The following DAZAP1 variants were observed in gnomAD, a reference collection of about 807,000 sequenced individuals.
DAZAP1 encodes DAZ-associated protein 1.
In DAZAP1, 6 loss-of-function variants were observed where a neutral mutation model predicts 60.1. The ratio of observed to expected loss-of-function variants is 0.10; its 90% CI spans 0.05 to 0.20. DAZAP1 has a LOEUF of 0.20. Ranked by LOEUF, DAZAP1 falls within the 10% of genes least tolerant of loss-of-function variation. DAZAP1 has a pLI of 1.00. For missense variants in DAZAP1, 366 were observed against 560.4 expected, an observed-to-expected ratio of 0.65 and a Z score of 3.50; for synonymous variants, 235 against 215.9, an observed-to-expected ratio of 1.09 and a Z score of -0.78.
chr19:1,430,254 G>GGGCCCCCCCCCC lies in DAZAP1; in HGVS notation c.763_764insGGCCCCCCCCCC (p.Ala255delinsGlyProProProPro). On this transcript the variant is annotated protein_altering_variant, in exon 10 of 12. Coordinates refer to ENST00000233078, the MANE Select transcript of DAZAP1 (RefSeq NM_018959.4). Reference sequence around the variant, plus strand: ...TGGACCGCCCCCTGCAGGAAGAGGAGCCCCCCCGCCACCCCCACCGTTCAC... The same window carrying GGGCCCCCCCCCC: ...TGGACCGCCCCCTGCAGGAAGAGGAGGGCCCCCCCCCCCCCCCCCGCCACCCCCACCGTTCAC... The GGGCCCCCCCCCC allele has an allele frequency of 2.3e-6, 3 of 1,295,254 alleles. No individual in the cohort carries two copies. Among genetic ancestry groups the GGGCCCCCCCCCC allele is most frequent in the South Asian group, 1.3e-5 (1 of 74,428 alleles). The allele number at this position is 1,295,254 out of a possible 1,614,324, so 80.2% of individuals were successfully genotyped here.
intron 8 of DAZAP1, among the ~76,000 whole-genome samples, chr19:1,429,516 T>C (rs2083389224): frequency 6.6e-6 from 1 of 152,170 alleles, no homozygotes; most frequent in South Asian, 2.1e-4. Context: ...CCGACCCGAG[T>C]TGTGGGTCAG....
chr19:1,432,435 G>A lies in DAZAP1; in HGVS notation c.872-79G>A. The A allele has an allele frequency of 1.3e-6, 2 of 1,491,724 alleles. No individual in the cohort carries two copies. The highest frequency in any genetic ancestry group is 1.7e-5 in the Admixed American group (1 of 59,614). 92.4% of individuals were successfully genotyped at this position (1,491,724 alleles called of 1,614,324 possible). A position where few individuals can be genotyped will look rare whatever the true frequency, so the allele number is the denominator to read the frequency against. On this transcript the variant is annotated intron_variant, in intron 10 of 11. Transcript: ENST00000233078. This position sits in a 1 kb window ranked among gnomAD's most constrained non-coding sequence, Gnocchi z 4.9. ...CAGTCCCGTCTGGGCAGCTCCTGCT[G>A]GGCTGGGTGTGGGTCTCCTGCTGGT... is the stretch of plus-strand genomic sequence containing the variant.
Position 1,432,717 on chromosome 19 carries a change from C to T in DAZAP1, c.1048+27C>T. On this transcript the variant is annotated intron_variant, in intron 11 of 11. Transcript: ENST00000233078. The surrounding 1 kb of genome is among the most constrained non-coding windows in gnomAD (Gnocchi z 4.9). The stretch of plus-strand genomic sequence containing the variant: ...TAAGTGGTCTCCTGCCATGCCGCGT[C>T]CCCGCTGGCCCCAGGACCCTGGGCA... 6.4e-7 allele frequency: 1 copy of T among 1,562,652 alleles called. No individual in the cohort carries two copies. Among genetic ancestry groups the T allele is most frequent in the Non-Finnish European group, 8.7e-7 (1 of 1,151,094 alleles).
intron 10 of DAZAP1, 76 bp downstream of exon 10, chr19:1,430,438 G>A (rs1600243384): frequency 1.5e-6 from 2 of 1,360,828 alleles, no homozygotes; most frequent in African/African-American, 3.0e-5. Flanking sequence ...GTGATGGGGA[G>A]TCTTGTGTTA....
Position 1,429,575 on chromosome 19 carries a change from C to T in DAZAP1, c.701-392C>T, listed in dbSNP as rs2083391360. 2.6e-5 allele frequency among the ~76,000 whole-genome samples: 4 copies of T among 152,210 alleles called. No individual in the cohort carries two copies. In the South Asian group the frequency reaches 6.2e-4, roughly 24 times the overall value. ...GTCCCGAGACTGTGGCTTCCCTGCA[C>T]CTCGTCTAAAACCTTTTTCTCTGGA... On this transcript the variant is annotated intron_variant, in intron 8 of 11. Coordinates refer to ENST00000233078, the MANE Select transcript of DAZAP1 (RefSeq NM_018959.4).
chr19:1,424,510 C>T (rs1256638349), intron 6 of DAZAP1, among the ~76,000 whole-genome samples: 1 of 151,818 alleles, frequency 6.6e-6, no homozygotes, highest in Non-Finnish European at 1.5e-5. Flanking sequence ...TTCCATCTTT[C>T]CCCGCCCCCA....
chr19:1,410,740 G>A (rs938742036), intron 1 of DAZAP1, among the ~76,000 whole-genome samples: 85 of 152,350 alleles, frequency 5.6e-4, no homozygotes, highest in African/African-American at 1.8e-3. Context: ...GAGCGCCCAG[G>A]CCATTGTGTT....
intron 1 of DAZAP1, 39 bp downstream of exon 1, chr19:1,407,841 G>C (rs1197837427): frequency 9.4e-7 from 1 of 1,059,542 alleles, no homozygotes; most frequent in African/African-American, 1.7e-5. Context: ...TCCGCCCCGA[G>C]CCCGGCCCGC....
intron 1 of DAZAP1, among the ~76,000 whole-genome samples, chr19:1,411,910 G>T (rs971884073): frequency 6.6e-6 from 1 of 152,242 alleles, no homozygotes; most frequent in African/African-American, 2.4e-5. Context: ...TCCCATCCAG[G>T]CCTGGTCCCC....
chr19:1,428,794 G>T lies in DAZAP1; in HGVS notation c.547-48G>T, dbSNP rs2083367168. ...CGAGGGTGTGTCTAAAGGGAAGGGG[G>T]TGCTGGGACCCGCAGCCTCGCCCTA... On this transcript the variant is annotated intron_variant, in intron 7 of 11. Coordinates refer to ENST00000233078, the MANE Select transcript of DAZAP1 (RefSeq NM_018959.4). The surrounding 1 kb of genome is among the most constrained non-coding windows in gnomAD (Gnocchi z 4.0). 1 of 1,609,812 alleles carries T rather than the reference G, an allele frequency of 6.2e-7. No homozygotes were observed. The highest frequency in any genetic ancestry group is 1.3e-5 in the African/African-American group (1 of 74,822).
chr19:1,412,934 C>T lies in DAZAP1; in HGVS notation c.30-4566C>T, dbSNP rs548608700. ...AGTGGAGCTCGTCCCACGCCTCCCC[C>T]ACTAATGAGAACACCCCTTTTGGGT... On this transcript the variant is annotated intron_variant, in intron 1 of 11. Coordinates refer to ENST00000233078, the MANE Select transcript of DAZAP1 (RefSeq NM_018959.4). Among the ~76,000 whole-genome samples the T allele has an allele frequency of 2.6e-4, 39 of 152,318 alleles. No individual in the cohort carries two copies. The South Asian group carries it at 4.6e-3, about 18-fold the overall frequency.
chr19:1,432,983 G>A lies in DAZAP1; in HGVS notation c.1048+293G>A, dbSNP rs1012467217. 4 of 411,906 alleles carry A rather than the reference G, an allele frequency of 9.7e-6. No individual in the cohort carries two copies. Among genetic ancestry groups the A allele is most frequent in the Admixed American group, 4.1e-5 (1 of 24,152 alleles). The allele number at this position is 411,906 out of a possible 1,614,324, so 25.5% of individuals were successfully genotyped here. A position where few individuals can be genotyped will look rare whatever the true frequency, so the allele number is the denominator to read the frequency against. The stretch of plus-strand genomic sequence containing the variant: ...ACTGGGTCGAGGGAAGTGAGTCGCA[G>A]GCAGCTGTGATCACTGTCTAGAGGT... On this transcript the variant is annotated intron_variant, in intron 11 of 11. Transcript: ENST00000233078. The surrounding 1 kb of genome is among the most constrained non-coding windows in gnomAD (Gnocchi z 4.9).
Position 1,434,789 on chromosome 19 carries a change from C to T in DAZAP1, c.1101C>T (p.Ser367=), listed in dbSNP as rs2083554205. The T allele has an allele frequency of 3.1e-6, 5 of 1,612,938 alleles. No homozygotes were observed. Among genetic ancestry groups the T allele is most frequent in the Non-Finnish European group, 4.2e-6 (5 of 1,179,514 alleles). The part of the protein sequence containing the change: ...SGFGQGFSDP[S]QQPPSYGGPS... Reference sequence around the variant, plus strand: ...TCGGACAGGGCTTCTCAGACCCCAGCCAGCAGCCTCCTTCCTACGGGGGTC... The same window carrying T: ...TCGGACAGGGCTTCTCAGACCCCAGTCAGCAGCCTCCTTCCTACGGGGGTC... Residue 367 remains serine (S), a synonymous_variant, in exon 12 of 12, where the codon AGC becomes AGT. Coordinates refer to ENST00000233078, the MANE Select transcript of DAZAP1 (RefSeq NM_018959.4). The surrounding 1 kb of genome is among the most constrained non-coding windows in gnomAD (Gnocchi z 8.0).
intron 10 of DAZAP1, among the ~76,000 whole-genome samples, chr19:1,431,399 G>T (rs898461295): frequency 3.6e-4 from 55 of 152,042 alleles, no homozygotes; most frequent in African/African-American, 1.2e-3. Context: ...AAAGCGCTGG[G>T]ATTAGAAGCG....
intron 1 of DAZAP1, among the ~76,000 whole-genome samples, chr19:1,408,215 C>T (rs961754975): frequency 6.6e-6 from 1 of 152,142 alleles, no homozygotes; most frequent in Non-Finnish European, 1.5e-5. Flanking sequence ...GCCCCCGCCG[C>T]CGCTTCCTGG....
At position 1,422,677 on chromosome 19, in the gene DAZAP1, G is replaced by A. The variant is rs747368407; in HGVS notation, c.463+281G>A. ...GCCTGGCTTCTGTTTTTCACTGTCCGGAAGAGTGTGGTCCTTCTGCATTTG... is the reference window on the plus strand; with the variant it reads ...GCCTGGCTTCTGTTTTTCACTGTCCAGAAGAGTGTGGTCCTTCTGCATTTG... On this transcript the variant is annotated intron_variant, in intron 6 of 11. Transcript: ENST00000233078. The surrounding 1 kb of genome is among the most constrained non-coding windows in gnomAD (Gnocchi z 4.5). Among the ~76,000 whole-genome samples the A allele has an allele frequency of 5.3e-5, 8 of 151,970 alleles. No homozygotes were observed. The highest frequency in any genetic ancestry group is 8.8e-5 in the Non-Finnish European group (6 of 68,002).
rs772215839 is a variant in DAZAP1 at position 1,421,310 on chromosome 19, C to T, written c.414+52C>T. On this transcript the variant is annotated intron_variant, in intron 5 of 11. Coordinates refer to ENST00000233078, the MANE Select transcript of DAZAP1 (RefSeq NM_018959.4). ...CTGTGGGGACAGAGCCGCTTCTGCT[C>T]AGGCCTGGGCCTTCTTGGGGCTGGA... The T allele has an allele frequency of 3.9e-6, 6 of 1,537,006 alleles. No homozygotes were observed. The Admixed American group carries it at 6.8e-5, about 17-fold the overall frequency.
At position 1,432,795 on chromosome 19, in the gene DAZAP1, T is replaced by G; in HGVS notation, c.1048+105T>G. 1.5e-6 allele frequency: 2 copies of G among 1,325,690 alleles called. No homozygotes were observed. Among genetic ancestry groups the G allele is most frequent in the Non-Finnish European group, 2.1e-6 (2 of 966,490 alleles). The allele number at this position is 1,325,690 out of a possible 1,614,324, so 82.1% of individuals were successfully genotyped here. On this transcript the variant is annotated intron_variant, in intron 11 of 11. Coordinates refer to ENST00000233078, the MANE Select transcript of DAZAP1 (RefSeq NM_018959.4). This position sits in a 1 kb window ranked among gnomAD's most constrained non-coding sequence, Gnocchi z 4.9. Reference sequence around the variant, plus strand: ...TGCTGGACGCTCCCCAGCCTTTACCTGGTGGGAAAGGGGAGAGGGAGGAGA... The same window carrying G: ...TGCTGGACGCTCCCCAGCCTTTACCGGGTGGGAAAGGGGAGAGGGAGGAGA...
chr19:1,408,825 C>T (rs1034020807), intron 1 of DAZAP1, among the ~76,000 whole-genome samples: 1 of 152,234 alleles, frequency 6.6e-6, no homozygotes. Context: ...GTAGGAGCGG[C>T]TCCTGCCGCA....
Sources: gnomAD v4.1 joint callset for allele counts (sites outside exome capture counted in the v4.1 genomes callset) on GRCh38, gnomAD v4.1.1 for gene constraint, Gnocchi (gnomAD v3.1) non-coding constraint, MANE v1.5 for transcripts, NCBI Gene and HGNC (gene_info 2026-07-23, HGNC 2026-07-21) for gene names.